POC5: variants seen among roughly 807,000 people sequenced by gnomAD.
POC5 encodes POC5 centriolar protein.
In POC5, 48 loss-of-function variants were observed where a neutral mutation model predicts 62.9. The ratio of observed to expected loss-of-function variants is 0.76; its 90% CI spans 0.61 to 0.97. The LOEUF is 0.97. Among genes scored for constraint, POC5 ranks in the 50% least tolerant of loss-of-function variants. The pLI, the probability that POC5 is intolerant of heterozygous loss-of-function variation, is 0.00. For synonymous variants in POC5, 236 were observed against 228.2 expected (o/e 1.03, Z -0.31); for missense variants, 696 against 679.5 (o/e 1.02, Z -0.27).
chr5:75,699,187 A>T (rs1776751334), intron 5 of POC5, among the ~76,000 whole-genome samples: 4 of 152,320 alleles, frequency 2.6e-5, no homozygotes, highest in Non-Finnish European at 2.9e-5. Flanking sequence ...CAATCAATAG[A>T]AAAAGAGGGA....
At chr5:75,696,504 C>A (rs1427254262) in intron 5 of POC5, among the ~76,000 whole-genome samples, 1 of 151,972 alleles carries the variant, frequency 6.6e-6, no homozygotes, top group Non-Finnish European at 1.5e-5. Flanking sequence ...AGGGTCCTGT[C>A]TGTTAGAAGG....
At chr5:75,681,089 A>G (rs551730113) in intron 10 of POC5, among the ~76,000 whole-genome samples, 52 of 149,312 alleles carry the variant, frequency 3.5e-4, no homozygotes, top group African/African-American at 1.3e-3. Context: ...AGGAGTAAGA[A>G]AAAAAATGAA....
chr5:75,684,006 T>C (rs1775974777), intron 10 of POC5, among the ~76,000 whole-genome samples: 1 of 152,140 alleles, frequency 6.6e-6, no homozygotes, highest in East Asian at 1.9e-4. Flanking sequence ...GCCCGGCCTC[T>C]TACCATATTA....
chr5:75,680,722 G>T (rs1775837223), intron 10 of POC5, among the ~76,000 whole-genome samples: 1 of 152,024 alleles, frequency 6.6e-6, no homozygotes, highest in South Asian at 2.1e-4. Flanking sequence ...AACCTAGAAG[G>T]ATTCTCTAAT....
At chr5:75,686,478 T>C (rs1028704334) in intron 9 of POC5, among the ~76,000 whole-genome samples, 10 of 152,232 alleles carry the variant, frequency 6.6e-5, no homozygotes, top group Admixed American at 2.0e-4. Flanking sequence ...AGTTAGCTTA[T>C]TTAAGAAGTT....
chr5:75,687,055 T>TAG (rs34761783), intron 9 of POC5, among the ~76,000 whole-genome samples: 37,064 of 151,736 alleles, frequency 0.24, 4,738 homozygotes, highest in South Asian at 0.32. Context: ...TTTTGTGAGA[T>TAG]AGTCTCGCTC....
chr5:75,686,200 G>C (rs1776093063), intron 9 of POC5, among the ~76,000 whole-genome samples: 1 of 152,074 alleles, frequency 6.6e-6, no homozygotes, highest in African/African-American at 2.4e-5. Flanking sequence ...CTAGTACAAA[G>C]GGTTTCTTCC....
Position 75,707,838 on chromosome 5 carries a change from G to A in POC5, c.122C>T (p.Thr41Ile). 4 of 1,591,312 alleles carry A rather than the reference G, an allele frequency of 2.5e-6. No homozygotes were observed. The highest frequency in any genetic ancestry group is 3.4e-6 in the Non-Finnish European group (4 of 1,165,610). Residue 41 changes from threonine (T) to isoleucine (I), a missense_variant, in exon 3 of 12, where the codon ACT (threonine) becomes ATT (isoleucine). Physicochemically the swap from Thr to Ile is moderately conservative, Grantham distance 89. Transcript: ENST00000428202. ...TGAAGCACAGGGTTCAATATTTGGAGTCACTATAGCATAATGAAGCAGTTC... is the reference window on the plus strand; with the variant it reads ...TGAAGCACAGGGTTCAATATTTGGAATCACTATAGCATAATGAAGCAGTTC... Reference protein sequence around the residue: ...YEELLHYAIVTPNIEPCASQS... With the variant: ...YEELLHYAIVIPNIEPCASQS...
At chr5:75,692,266 T>A (rs1776368582) in intron 7 of POC5, 130 bp downstream of exon 7, 1 of 560,578 alleles carries the variant, frequency 1.8e-6, no homozygotes, top group African/African-American at 1.9e-5. Context: ...TCAAATTCCT[T>A]TGAAATAAGA....
At chr5:75,705,843 T>C in intron 3 of POC5, 56 bp from the exon 4 acceptor site, 2 of 1,051,314 alleles carry the variant, frequency 1.9e-6, no homozygotes, top group Non-Finnish European at 2.7e-6. Flanking sequence ...ATAAAATGTC[T>C]AATCACACAT....
rs1251449863 is a variant in POC5, at chr5:75,692,293, A to C, written c.795+103T>G. 4 of 768,040 alleles carry C rather than the reference A, an allele frequency of 5.2e-6. No homozygotes were observed. In the East Asian group the frequency reaches 1.2e-4, roughly 23 times the overall value. The allele number at this position is 768,040 out of a possible 1,614,324, so 47.6% of individuals were successfully genotyped here. A position where few individuals can be genotyped will look rare whatever the true frequency, so the allele number is the denominator to read the frequency against. On this transcript the variant is annotated intron_variant, in intron 7 of 11. Coordinates refer to ENST00000428202, the MANE Select transcript of POC5 (RefSeq NM_001099271.2). ...GAAATAAGAGGAACATTAAATCACA[A>C]ATTCATTTTGACTTATTAGAAAACA...
intron 10 of POC5, among the ~76,000 whole-genome samples, chr5:75,679,899 GA>G (rs369157220): frequency 5.7e-4 from 86 of 152,170 alleles, no homozygotes; most frequent in African/African-American, 1.9e-3. Flanking sequence ...GGAAACAGAA[GA>G]AACAGCTAAC....
intron 2 of POC5, chr5:75,712,451 C>T: frequency 1.2e-6 from 2 of 1,609,036 alleles, no homozygotes; most frequent in Non-Finnish European, 1.7e-6. Flanking sequence ...AGAGACCAAA[C>T]CTCAGCAAGT....
At chr5:75,692,785 C>G (rs1776397348) in intron 6 of POC5, among the ~76,000 whole-genome samples, 1 of 151,958 alleles carries the variant, frequency 6.6e-6, no homozygotes, top group Admixed American at 6.6e-5. Context: ...TACTGACATT[C>G]AATTCAGGTA....
At chr5:75,702,943 A>AG in intron 4 of POC5, 133 bp from the exon 5 acceptor site, 1 of 672,238 alleles carries the variant, frequency 1.5e-6, no homozygotes. Context: ...ACTACCTTTC[A>AG]GGTGTACCTT....
chr5:75,695,463 CT>C (rs1357091602), intron 5 of POC5, among the ~76,000 whole-genome samples: 1 of 152,082 alleles, frequency 6.6e-6, no homozygotes, highest in Admixed American at 6.6e-5. Context: ...AGTATGAAAC[CT>C]GTTCCAAGGG....
rs1321457410 is a variant in POC5, at chr5:75,698,107, AT to A, written c.514-3277del. 8.1e-4 allele frequency among the ~76,000 whole-genome samples: 115 copies of A among 141,904 alleles called. 2 individuals are homozygous for A. Among genetic ancestry groups the A allele is most frequent in the Non-Finnish European group, 1.6e-4 (10 of 63,674 alleles). The allele number at this position is 141,904 out of a possible 152,430, so 93.1% of individuals were successfully genotyped here. A position where few individuals can be genotyped will look rare whatever the true frequency, so the allele number is the denominator to read the frequency against. On this transcript the variant is annotated intron_variant, in intron 5 of 11. Coordinates refer to ENST00000428202, the MANE Select transcript of POC5 (RefSeq NM_001099271.2). ...CCTACAAAGAGACTTAGACTCCCAC[AT>A]ATTAATAATGGGAGACTTTAACACC... is the stretch of plus-strand genomic sequence containing the variant.
chr5:75,713,298 T>G (rs1318283777), intron 1 of POC5, among the ~76,000 whole-genome samples: 2 of 152,212 alleles, frequency 1.3e-5, no homozygotes, highest in Non-Finnish European at 2.9e-5. Context: ...GAACAAACAA[T>G]TTGTGCAAAT....
chr5:75,695,184 G>A (rs1369582396), intron 5 of POC5, among the ~76,000 whole-genome samples: 9 of 152,150 alleles, frequency 5.9e-5, no homozygotes, highest in Admixed American at 2.0e-4. Context: ...ACATAACTAT[G>A]GCATAGGCTA....
Sources: allele counts gnomAD v4.1 joint callset (sites outside exome capture counted in the v4.1 genomes callset), GRCh38; gene constraint gnomAD v4.1.1; transcripts MANE v1.5; gene names NCBI Gene and HGNC (gene_info 2026-07-23, HGNC 2026-07-21).